The following NTM variants were observed in gnomAD, a reference collection of about 807,000 sequenced individuals.
NTM encodes IgLON family member 2.
NTM carries 13 observed loss-of-function variants against 42.1 expected under a neutral mutation model. The observed-to-expected ratio is 0.31, with a 90% CI of 0.20 to 0.49. The LOEUF (loss-of-function observed/expected upper bound fraction) is 0.49, where lower values mean the gene tolerates loss of function less well. Ranked by LOEUF, NTM falls within the 20% of genes least tolerant of loss-of-function variation. The pLI is 0.99. For synonymous variants in NTM, 187 were observed against 179.2 expected (o/e 1.04, Z -0.35); for missense variants, 373 against 452.8 (o/e 0.82, Z 1.60).
intron 1 of NTM, among the ~76,000 whole-genome samples, chr11:131,423,944 G>C (rs1045877858): frequency 1.3e-5 from 2 of 152,142 alleles, no homozygotes; most frequent in African/African-American, 4.8e-5. Context: ...ATTTCCCCGA[G>C]GCTTCTTTAG....
intron 4 of NTM, among the ~76,000 whole-genome samples, chr11:132,303,599 CCT>C (rs1315136774): frequency 2.0e-5 from 3 of 151,904 alleles, no homozygotes; most frequent in Admixed American, 1.3e-4. Flanking sequence ...TCTCAACATA[CCT>C]TTTTTGGGAG....
chr11:131,888,707 G>A (rs571914669), intron 1 of NTM, among the ~76,000 whole-genome samples: 2 of 152,102 alleles, frequency 1.3e-5, no homozygotes, highest in Non-Finnish European at 2.9e-5. Flanking sequence ...TTCCTGTGGC[G>A]TCTTATAGAA....
intron 2 of NTM, among the ~76,000 whole-genome samples, chr11:132,025,210 A>G (rs1220807590): frequency 1.3e-5 from 2 of 152,052 alleles, no homozygotes; most frequent in Non-Finnish European, 2.9e-5. Context: ...TTCCATTGTC[A>G]TGTAGTCATT....
intron 1 of NTM, among the ~76,000 whole-genome samples, chr11:131,583,277 G>A (rs1027178890): frequency 2.1e-4 from 32 of 152,106 alleles, no homozygotes; most frequent in East Asian, 5.8e-4. Flanking sequence ...AGAGAAATCC[G>A]TAGCCTCATA....
intron 2 of NTM, among the ~76,000 whole-genome samples, chr11:131,951,866 C>T (rs527425961): frequency 1.3e-5 from 2 of 151,322 alleles, no homozygotes; most frequent in South Asian, 4.2e-4. Flanking sequence ...TCCACTACTC[C>T]CACCTCATAG....
chr11:131,781,308 G>A (rs2088072414), intron 1 of NTM, among the ~76,000 whole-genome samples: 1 of 151,900 alleles, frequency 6.6e-6, no homozygotes, highest in Admixed American at 6.5e-5. Flanking sequence ...AAGCATAAAA[G>A]TTTTGAACTC....
chr11:131,734,694 G>A (rs1006265524), intron 1 of NTM, among the ~76,000 whole-genome samples: 3 of 152,082 alleles, frequency 2.0e-5, no homozygotes, highest in African/African-American at 7.2e-5. Context: ...ACTCCAAGAT[G>A]AGTGAGTATC....
intron 1 of NTM, among the ~76,000 whole-genome samples, chr11:131,637,819 C>T (rs1402308280): frequency 6.6e-6 from 1 of 152,030 alleles, no homozygotes; most frequent in African/African-American, 2.4e-5. Context: ...AGGTATCTCG[C>T]AGAGATGTTA....
rs571823976 is a variant in NTM at position 131,581,904 on chromosome 11, CT to C, written c.82+211017del. ...CCGAGACTGCCCCTCACTCTCCCCCCTCTTCTCAAGGGAAACAAACTGGCTT... is the reference window on the plus strand; with the variant it reads ...CCGAGACTGCCCCTCACTCTCCCCCCCTTCTCAAGGGAAACAAACTGGCTT... On this transcript the variant is annotated intron_variant, in intron 1 of 8. Transcript: ENST00000683400. 3 of 152,380 alleles carry C rather than the reference CT, an allele frequency of 2.0e-5. No homozygotes were observed. In the East Asian group the frequency reaches 5.8e-4, roughly 29 times the overall value. 9.4% of individuals were successfully genotyped at this position (152,380 alleles called of 1,614,324 possible).
chr11:131,683,499 G>A (rs2073332731), intron 1 of NTM, among the ~76,000 whole-genome samples: 1 of 152,242 alleles, frequency 6.6e-6, no homozygotes, highest in Admixed American at 6.5e-5. Context: ...TGGAGGTGAA[G>A]GGGAGGAGGC....
chr11:131,492,957 C>G (rs1339640184), intron 1 of NTM, among the ~76,000 whole-genome samples: 3 of 152,108 alleles, frequency 2.0e-5, no homozygotes, highest in Non-Finnish European at 4.4e-5. Flanking sequence ...GTGGCTCATG[C>G]CTGTAGTCCT....
At chr11:132,293,909 T>C (rs1005380739) in intron 4 of NTM, among the ~76,000 whole-genome samples, 8 of 152,186 alleles carry the variant, frequency 5.3e-5, no homozygotes, top group Non-Finnish European at 8.8e-5. Flanking sequence ...GCCTAAAACA[T>C]GTATTATACT....
At chr11:132,031,108 G>C (rs2075860681) in intron 2 of NTM, among the ~76,000 whole-genome samples, 1 of 152,180 alleles carries the variant, frequency 6.6e-6, no homozygotes, top group African/African-American at 2.4e-5. Flanking sequence ...GCAAGGCACA[G>C]AGCCAAGCTC....
chr11:131,612,862 G>T (rs893657304), intron 1 of NTM, among the ~76,000 whole-genome samples: 1 of 152,138 alleles, frequency 6.6e-6, no homozygotes, highest in Non-Finnish European at 1.5e-5. Flanking sequence ...TCCCTACCCG[G>T]GTCCCTCTGT....
At chr11:131,714,775 G>A (rs906983030) in intron 1 of NTM, among the ~76,000 whole-genome samples, 9 of 152,056 alleles carry the variant, frequency 5.9e-5, no homozygotes, top group African/African-American at 1.9e-4. Flanking sequence ...AGCCTTTACC[G>A]AGTGTCATCC....
At chr11:132,317,604 A>G (rs1430268001) in intron 7 of NTM, 1 of 1,100,610 alleles carries the variant, frequency 9.1e-7, no homozygotes, top group Non-Finnish European at 1.2e-6. Flanking sequence ...TGTATATAAT[A>G]TATGTGTTTG....
chr11:132,152,910 C>T (rs1400868475), intron 3 of NTM, among the ~76,000 whole-genome samples: 1 of 152,184 alleles, frequency 6.6e-6, no homozygotes, highest in Non-Finnish European at 1.5e-5. Context: ...CTCATGTTCT[C>T]TACAGAGTTT....
intron 1 of NTM, among the ~76,000 whole-genome samples, chr11:131,662,742 G>A (rs1047657926): frequency 1.3e-5 from 2 of 152,118 alleles, no homozygotes; most frequent in Admixed American, 6.5e-5. Flanking sequence ...GCATAGTGTA[G>A]GCATTGCATG....
chr11:132,032,145 T>C (rs2076007038), intron 2 of NTM, among the ~76,000 whole-genome samples: 1 of 152,186 alleles, frequency 6.6e-6, no homozygotes, highest in South Asian at 2.1e-4. Context: ...CCACTGACCA[T>C]GCATCCACTA....
Sources: allele counts gnomAD v4.1 joint callset (sites outside exome capture counted in the v4.1 genomes callset), GRCh38; gene constraint gnomAD v4.1.1; transcripts MANE v1.5; gene names NCBI Gene and HGNC (gene_info 2026-07-23, HGNC 2026-07-21).